FBXL2: variants seen among roughly 807,000 people sequenced by gnomAD.
FBXL2 encodes the protein F-box/LRR-repeat protein 2.
FBXL2 carries 38 observed loss-of-function variants against 69.2 expected under a neutral mutation model. The observed-to-expected ratio is 0.55, with a 90% CI of 0.42 to 0.72. FBXL2 has a LOEUF of 0.72. FBXL2 is among the 30% of genes least tolerant of loss of function. The probability of loss-of-function intolerance (pLI) is 0.00; values close to 1 mark genes in which losing one functional copy is unlikely to be tolerated. For missense variants in FBXL2, 354 were observed against 520.3 expected (o/e 0.68, Z 3.11); for synonymous variants, 192 against 201.3 (o/e 0.95, Z 0.39).
At chr3:33,378,521 G>A (rs1230991573) in intron 12 of FBXL2, among the ~76,000 whole-genome samples, 164 bp from the exon 13 acceptor site, 1 of 152,176 alleles carries the variant, frequency 6.6e-6, no homozygotes, top group Admixed American at 6.5e-5. Flanking sequence ...CTAGAAGTGG[G>A]CAGATTTTAG....
intron 2 of FBXL2, among the ~76,000 whole-genome samples, chr3:33,300,312 C>T (rs2036155339): frequency 6.6e-6 from 1 of 152,124 alleles, no homozygotes; most frequent in Admixed American, 6.6e-5. Flanking sequence ...AGTGTGATTT[C>T]TAAACTGCAG....
At chr3:33,359,057 T>C (rs745783899) in intron 3 of FBXL2, 36 bp downstream of exon 3, 2 of 1,387,292 alleles carry the variant, frequency 1.4e-6, no homozygotes, top group Non-Finnish European at 2.0e-6. Context: ...TCAATAAATA[T>C]CAAGTTTTAT....
At chr3:33,322,369 C>T (rs551553572) in intron 2 of FBXL2, among the ~76,000 whole-genome samples, 13 of 151,980 alleles carry the variant, frequency 8.6e-5, no homozygotes, top group South Asian at 2.1e-4. Context: ...TGAGCTACGG[C>T]GCCTGGCCAA....
At chr3:33,284,785 G>A (rs906437615) in intron 1 of FBXL2, among the ~76,000 whole-genome samples, 29 of 152,136 alleles carry the variant, frequency 1.9e-4, no homozygotes, top group South Asian at 1.5e-3. Context: ...GAATTGATCC[G>A]TTTACCATTA....
intron 11 of FBXL2, 148 bp from the exon 12 acceptor site, chr3:33,377,955 G>A (rs2042752945): frequency 6.7e-6 from 5 of 748,080 alleles, no homozygotes; most frequent in Non-Finnish European, 9.4e-6. Context: ...CAGAAGTGCT[G>A]GTTTACTGGG....
chr3:33,336,479 G>C (rs1165141700), intron 2 of FBXL2, among the ~76,000 whole-genome samples: 1 of 152,112 alleles, frequency 6.6e-6, no homozygotes, highest in Non-Finnish European at 1.5e-5. Context: ...AGGTAAAACA[G>C]ATTCTAGAAG....
At chr3:33,304,478 T>G (rs1210021226) in intron 2 of FBXL2, among the ~76,000 whole-genome samples, 1 of 152,138 alleles carries the variant, frequency 6.6e-6, no homozygotes, top group Non-Finnish European at 1.5e-5. Flanking sequence ...TTGCTCTGAT[T>G]GGCTGTTGCT....
chr3:33,375,202 T>C (rs72852038), intron 9 of FBXL2, 86 bp from the exon 10 acceptor site: 27,734 of 1,541,038 alleles, frequency 0.018, 700 homozygotes, highest in African/African-American at 0.091. Flanking sequence ...CAACCAAAAC[T>C]GAACAACAGC....
In FBXL2 at chr3:33,373,251, C is replaced by T. The variant is rs775408320; in HGVS notation, c.360-9C>T. 62 of 1,613,834 alleles carry T rather than the reference C, an allele frequency of 3.8e-5. 1 individual carries two copies. The Middle Eastern group carries it at 4.9e-4, about 13-fold the overall frequency. ...TGAAAATATCTTTAGTGCGTCTGCT[C>T]TTTTTCAGCACGTGTTATAGCCTTA... is the stretch of plus-strand genomic sequence containing the variant. On this transcript the variant is annotated splice_polypyrimidine_tract_variant and intron_variant, in intron 6 of 14. Coordinates refer to ENST00000484457, the MANE Select transcript of FBXL2 (RefSeq NM_012157.5).
intron 14 of FBXL2, 118 bp from the exon 15 acceptor site, chr3:33,385,383 T>C: frequency 1.1e-6 from 1 of 914,770 alleles, no homozygotes; most frequent in Non-Finnish European, 1.8e-6. Context: ...ATAGCATAAA[T>C]TCTACTTCAA....
At chr3:33,394,635 G>A (rs1575447531) in intron 12 of FBXL2, among the ~76,000 whole-genome samples, 1 of 152,064 alleles carries the variant, frequency 6.6e-6, no homozygotes, top group Non-Finnish European at 1.5e-5. Context: ...GCCAGACATG[G>A]ATCAGGAATA....
intron 2 of FBXL2, among the ~76,000 whole-genome samples, chr3:33,299,218 T>A (rs768042189): frequency 1.3e-5 from 2 of 152,084 alleles, no homozygotes; most frequent in Non-Finnish European, 2.9e-5. Context: ...ATTTTTGTAT[T>A]TTTAGTAGAG....
At chr3:33,277,624 A>G in intron 1 of FBXL2, 109 bp downstream of exon 1, 1 of 1,135,212 alleles carries the variant, frequency 8.8e-7, no homozygotes, top group Non-Finnish European at 1.1e-6. Context: ...GGTCGTGGAG[A>G]GGCCGGGCCG....
At chr3:33,395,933 A>C (rs1473681567) in intron 12 of FBXL2, among the ~76,000 whole-genome samples, 1 of 151,898 alleles carries the variant, frequency 6.6e-6, no homozygotes, top group Non-Finnish European at 1.5e-5. Context: ...GGCCACATGA[A>C]AAACAGACCC....
the FBXL2 span, chr3:33,408,858 C>A: frequency 7.2e-7 from 1 of 1,392,438 alleles, no homozygotes. Context: ...AGATCTAACA[C>A]CCTGTTTCAT....
At chr3:33,402,159 A>G (rs1369852935) in intron 12 of FBXL2, among the ~76,000 whole-genome samples, 3 of 152,212 alleles carry the variant, frequency 2.0e-5, no homozygotes, top group Non-Finnish European at 4.4e-5. Flanking sequence ...ACTCTGCATT[A>G]GTTCTGCAGC....
chr3:33,413,804 A>G, the FBXL2 span, among the ~76,000 whole-genome samples: 1 of 152,140 alleles, frequency 6.6e-6, no homozygotes, highest in South Asian at 2.1e-4. Context: ...GGCCTGTCCA[A>G]GCAATTACCC....
intron 13 of FBXL2, among the ~76,000 whole-genome samples, chr3:33,380,086 G>A (rs559047807): frequency 9.2e-5 from 14 of 151,996 alleles, no homozygotes; most frequent in African/African-American, 2.2e-4. Context: ...TTAGCTGGGC[G>A]TGGTGGCACA....
intron 13 of FBXL2, 186 bp downstream of exon 13, chr3:33,378,927 C>T (rs2042824464): frequency 2.6e-6 from 3 of 1,167,062 alleles, no homozygotes; most frequent in Admixed American, 2.9e-5. Flanking sequence ...ATTGAATTTG[C>T]AATTTTAAGA....
Sources: gnomAD v4.1 joint callset for allele counts (sites outside exome capture counted in the v4.1 genomes callset) on GRCh38, gnomAD v4.1.1 for gene constraint, MANE v1.5 for transcripts, NCBI Gene and HGNC (gene_info 2026-07-23, HGNC 2026-07-21) for gene names.